KIAA1217: variants seen among roughly 807,000 people sequenced by gnomAD.
KIAA1217 encodes the protein sickle tail protein homolog.
KIAA1217 carries 88 observed loss-of-function variants against 163.9 expected under a neutral mutation model. That is an observed-to-expected ratio of 0.54 (90% CI 0.45 to 0.64). The LOEUF (loss-of-function observed/expected upper bound fraction) is 0.64, where lower values mean the gene tolerates loss of function less well. Ranked by LOEUF, KIAA1217 falls within the 30% of genes least tolerant of loss-of-function variation. The pLI is 0.00. For missense variants in KIAA1217, 2,372 were observed against 2,475.0 expected (o/e 0.96, Z 0.88); for synonymous variants, 903 against 923.1 (o/e 0.98, Z 0.39).
chr10:24,075,665 G>C (rs950773716), intron 2 of KIAA1217, among the ~76,000 whole-genome samples: 11 of 151,030 alleles, frequency 7.3e-5, no homozygotes, highest in African/African-American at 2.4e-4. Context: ...GTGCAATGGC[G>C]GGATCTCAGC....
intron 2 of KIAA1217, among the ~76,000 whole-genome samples, chr10:24,094,733 C>T (rs1261901997): frequency 2.6e-5 from 4 of 152,176 alleles, no homozygotes; most frequent in Non-Finnish European, 4.4e-5. Context: ...TCTCCAGCTG[C>T]GTGCTGGGAG....
At chr10:24,217,548 G>A (rs2068993235) in intron 1 of KIAA1217, among the ~76,000 whole-genome samples, 2 of 152,204 alleles carry the variant, frequency 1.3e-5, no homozygotes, top group Non-Finnish European at 1.5e-5. Flanking sequence ...AAACCAGCCT[G>A]AGATGAAAAT....
At position 24,513,373 on chromosome 10, in the gene KIAA1217, C is replaced by T. The variant is rs746196811; in HGVS notation, c.2116C>T (p.Leu706=). 10 of 1,614,130 alleles carry T rather than the reference C, an allele frequency of 6.2e-6. No homozygotes were observed. In the Admixed American group the frequency reaches 6.7e-5, roughly 11 times the overall value. ...GGATCCCGTGCAGCGACAGCGCGTC[C>T]TAGTGGAGCAAGAGAGACAAAAATA... The part of the protein sequence containing the change: ...LEDPVQRQRV[L]VEQERQKYLH... The change falls in exon 10 of 21, where the codon CTA becomes TTA. Residue 706 remains leucine, a synonymous_variant. Coordinates refer to ENST00000376454, the MANE Select transcript of KIAA1217 (RefSeq NM_019590.5).
At chr10:24,229,040 AC>A (rs1421923499) in intron 2 of KIAA1217, among the ~76,000 whole-genome samples, 2 of 152,132 alleles carry the variant, frequency 1.3e-5, no homozygotes, top group African/African-American at 4.8e-5. Context: ...TAAACGTACT[AC>A]CCTCTGTTAT....
intron 1 of KIAA1217, among the ~76,000 whole-genome samples, chr10:23,784,149 A>G (rs73604418): frequency 1.3e-5 from 2 of 152,028 alleles, no homozygotes; most frequent in African/African-American, 4.8e-5. Context: ...ATTGTTAAAT[A>G]CTTTCTTAAT....
In KIAA1217 at chr10:24,546,062, T is replaced by C; in HGVS notation, c.5570T>C (p.Val1857Ala). ...PAHSASLIPS[V>A]SNGSLKFQSL... Reference sequence around the variant, plus strand: ...CACTCTGCCTCCCTCATCCCTTCTGTCTCTAATGGCTCTTTGAAGTTTCAG... The same window carrying C: ...CACTCTGCCTCCCTCATCCCTTCTGCCTCTAATGGCTCTTTGAAGTTTCAG... The change falls in exon 21 of 21, where the codon GTC (valine) becomes GCC (alanine). Residue 1857 changes from valine (V) to alanine (A), a missense_variant. Coordinates refer to ENST00000376454, the MANE Select transcript of KIAA1217 (RefSeq NM_019590.5). 1 of 1,614,178 alleles carries C rather than the reference T, an allele frequency of 6.2e-7. No homozygotes were observed. Among genetic ancestry groups the C allele is most frequent in the Non-Finnish European group, 8.5e-7 (1 of 1,180,036 alleles).
chr10:23,923,872 G>C (rs1323871241), intron 1 of KIAA1217, among the ~76,000 whole-genome samples: 4 of 151,958 alleles, frequency 2.6e-5, no homozygotes, highest in African/African-American at 9.7e-5. Flanking sequence ...ATTATTTGTT[G>C]CTTTTATTTC....
intron 1 of KIAA1217, among the ~76,000 whole-genome samples, chr10:23,845,514 T>G (rs1291466322): frequency 1.3e-5 from 2 of 152,246 alleles, no homozygotes; most frequent in Non-Finnish European, 2.9e-5. Context: ...TTCATAAGTT[T>G]GTTGGCTGTA....
At chr10:24,512,731 C>T (rs140863843) in intron 9 of KIAA1217, among the ~76,000 whole-genome samples, 245 of 152,310 alleles carry the variant, frequency 1.6e-3, no homozygotes, top group African/African-American at 5.6e-3. Context: ...CTGATACTGA[C>T]GTATTTCATA....
intron 2 of KIAA1217, among the ~76,000 whole-genome samples, chr10:24,047,527 G>A (rs1849123405): frequency 6.6e-6 from 1 of 152,000 alleles, no homozygotes; most frequent in Non-Finnish European, 1.5e-5. Flanking sequence ...AGCACAATGG[G>A]GTCTCTATTT....
At chr10:24,504,540 A>G (rs1486601935) in intron 9 of KIAA1217, among the ~76,000 whole-genome samples, 1 of 152,208 alleles carries the variant, frequency 6.6e-6, no homozygotes, top group Non-Finnish European at 1.5e-5. Context: ...GGTATTATAT[A>G]CCAAAAATGA....
chr10:24,398,211 T>C (rs1037770529), intron 3 of KIAA1217, among the ~76,000 whole-genome samples: 2 of 152,166 alleles, frequency 1.3e-5, no homozygotes, highest in Admixed American at 6.5e-5. Context: ...AAGTAAGCTA[T>C]AGAAAAGAAA....
At chr10:24,313,453 C>T (rs16924557) in intron 2 of KIAA1217, among the ~76,000 whole-genome samples, 2,443 of 152,268 alleles carry the variant, frequency 0.016, 38 homozygotes, top group East Asian at 0.082. Context: ...GCACGGGACC[C>T]ATCAACAGTC....
chr10:24,391,303 A>T (rs2054905392), intron 3 of KIAA1217, among the ~76,000 whole-genome samples: 1 of 138,758 alleles, frequency 7.2e-6, no homozygotes, highest in Non-Finnish European at 1.6e-5. Flanking sequence ...CTTAGAGAAG[A>T]TTTAGGTTCT....
chr10:24,511,647 C>CA (rs1315425340), intron 9 of KIAA1217, among the ~76,000 whole-genome samples: 4 of 151,276 alleles, frequency 2.6e-5, no homozygotes, highest in African/African-American at 4.9e-5. Context: ...AACTCCATCT[C>CA]AAAAAAAACA....
chr10:24,417,179 T>C (rs952136943), intron 3 of KIAA1217, among the ~76,000 whole-genome samples: 3 of 151,984 alleles, frequency 2.0e-5, no homozygotes, highest in Non-Finnish European at 4.4e-5. Context: ...ACACAGTCTT[T>C]CTCCCCACCC....
rs374363851 is a variant in KIAA1217, at chr10:24,258,183, C to G, written c.354+38274C>G. Reference sequence around the variant, plus strand: ...GTGGCAGAATGAGACCCTGTCCCCTCAACCTAACTCTGATGAGGACTATAT... The same window carrying G: ...GTGGCAGAATGAGACCCTGTCCCCTGAACCTAACTCTGATGAGGACTATAT... On this transcript the variant is annotated intron_variant, in intron 2 of 20. Coordinates refer to ENST00000376454, the MANE Select transcript of KIAA1217 (RefSeq NM_019590.5). 6.6e-5 allele frequency among the ~76,000 whole-genome samples: 10 copies of G among 151,500 alleles called. No individual in the cohort carries two copies. The South Asian group carries it at 2.1e-3, about 31-fold the overall frequency.
At chr10:24,434,862 T>A (rs908817757) in intron 4 of KIAA1217, among the ~76,000 whole-genome samples, 3 of 152,252 alleles carry the variant, frequency 2.0e-5, no homozygotes, top group Non-Finnish European at 4.4e-5. Flanking sequence ...AGGGACTTAT[T>A]CAAAAGCACA....
intron 1 of KIAA1217, among the ~76,000 whole-genome samples, chr10:23,810,799 A>AT (rs1456281793): frequency 2.1e-4 from 26 of 126,262 alleles, no homozygotes; most frequent in African/African-American, 8.1e-4. Context: ...TTACTAAATT[A>AT]TAATTACCAA....
Sources: gnomAD v4.1 joint callset for allele counts (sites outside exome capture counted in the v4.1 genomes callset) on GRCh38, gnomAD v4.1.1 for gene constraint, MANE v1.5 for transcripts, NCBI Gene and HGNC (gene_info 2026-07-23, HGNC 2026-07-21) for gene names.